Variants in KIFAP3 observed in about 807,000 individuals in gnomAD.
The protein encoded by KIFAP3 is kinesin associated protein 3.
KIFAP3 carries 68 observed loss-of-function variants against 106.5 expected under a neutral mutation model. That is an observed-to-expected ratio of 0.64 (90% CI 0.53 to 0.78). The LOEUF (loss-of-function observed/expected upper bound fraction) is 0.78, where lower values mean the gene tolerates loss of function less well. Among genes scored for constraint, KIFAP3 ranks in the 30% least tolerant of loss-of-function variants. The pLI is 0.00. For synonymous variants in KIFAP3, 320 were observed against 311.5 expected, an observed-to-expected ratio of 1.03 and a Z score of -0.29; for missense variants, 780 against 941.8, an observed-to-expected ratio of 0.83 and a Z score of 2.25.
chr1:169,939,283 G>A (rs1005647305), intron 19 of KIFAP3, among the ~76,000 whole-genome samples: 4 of 152,090 alleles, frequency 2.6e-5, no homozygotes, highest in Admixed American at 1.3e-4. Context: ...AAACAACAGG[G>A]CATGCAGATG....
chr1:169,956,112 C>T (rs182881718), intron 18 of KIFAP3, among the ~76,000 whole-genome samples: 2 of 152,158 alleles, frequency 1.3e-5, no homozygotes, highest in Admixed American at 6.5e-5. Context: ...AATTGAGAAT[C>T]GGAGTTTAAG....
chr1:170,077,222 G>A (rs900513914), upstream of KIFAP3, among the ~76,000 whole-genome samples: 3 of 152,194 alleles, frequency 2.0e-5, no homozygotes, highest in Admixed American at 6.5e-5. Flanking sequence ...GGATGTGGGC[G>A]GGGCCAAACA....
intron 9 of KIFAP3, among the ~76,000 whole-genome samples, chr1:170,018,211 A>T (rs891706495): frequency 6.6e-6 from 1 of 152,142 alleles, no homozygotes; most frequent in Admixed American, 6.5e-5. Flanking sequence ...CATTTTTTTT[A>T]CCAGCTGTCA....
intron 9 of KIFAP3, among the ~76,000 whole-genome samples, chr1:170,018,197 T>C (rs1040906719): frequency 5.3e-5 from 8 of 152,320 alleles, no homozygotes; most frequent in East Asian, 3.9e-4. Context: ...AACAAAGCCA[T>C]GCTCATTTTT....
rs1312742045 is a variant in KIFAP3, at chr1:169,992,207, C to T, written c.1232G>A (p.Ser411Asn). 6.3e-7 allele frequency: 1 copy of T among 1,586,460 alleles called. No homozygotes were observed. The highest frequency in any genetic ancestry group is 8.6e-7 in the Non-Finnish European group (1 of 1,167,602). The stretch of plus-strand genomic sequence containing the variant: ...CATTGATTTAAAGCGGTCATCCATG[C>T]TTATGTGGTAAAGAACACACATTGC... ...QIAMCVLYHI[S>N]MDDRFKSMFA... The change falls in exon 11 of 20, where the codon AGC (serine) becomes AAC (asparagine). Residue 411 changes from serine to asparagine, a missense_variant. By Grantham distance (46) the Ser-to-Asn change is conservative. This residue lies in a region of KIFAP3 where 588 missense variants were observed against 678.9 expected (regional missense o/e 0.87). Transcript: ENST00000361580.
At chr1:170,014,551 T>C (rs1047723455) in intron 10 of KIFAP3, among the ~76,000 whole-genome samples, 2 of 152,200 alleles carry the variant, frequency 1.3e-5, no homozygotes, top group African/African-American at 4.8e-5. Flanking sequence ...AAAGTATCAA[T>C]ATAGGAACAT....
intron 16 of KIFAP3, among the ~76,000 whole-genome samples, chr1:169,976,614 C>A (rs1454672355): frequency 6.6e-6 from 1 of 152,100 alleles, no homozygotes; most frequent in Non-Finnish European, 1.5e-5. Flanking sequence ...GCTGTTAAGG[C>A]AGAATAGTAT....
intron 9 of KIFAP3, 52 bp downstream of exon 9, chr1:170,024,366 A>C (rs1669006843): frequency 1.7e-6 from 2 of 1,207,594 alleles, no homozygotes; most frequent in Non-Finnish European, 2.3e-6. Context: ...AAAATATTCT[A>C]ACTTGAAAAT....
At chr1:170,064,172 A>G (rs576786296) in intron 1 of KIFAP3, among the ~76,000 whole-genome samples, 2 of 152,288 alleles carry the variant, frequency 1.3e-5, no homozygotes, top group East Asian at 3.9e-4. Flanking sequence ...TTTCTCTACA[A>G]ACTAATATAT....
intron 8 of KIFAP3, among the ~76,000 whole-genome samples, chr1:170,030,848 T>C (rs1027272445): frequency 6.6e-6 from 1 of 151,456 alleles, no homozygotes; most frequent in African/African-American, 2.4e-5. Context: ...ATTTTGGGAG[T>C]GATGGATATG....
chr1:170,057,858 C>A (rs898190604), intron 1 of KIFAP3, among the ~76,000 whole-genome samples: 1 of 152,072 alleles, frequency 6.6e-6, no homozygotes, highest in Non-Finnish European at 1.5e-5. Flanking sequence ...TAGCTGGTTG[C>A]AAATTTCTTC....
chr1:169,963,075 G>C (rs796846402), intron 17 of KIFAP3, among the ~76,000 whole-genome samples: 13 of 152,238 alleles, frequency 8.5e-5, no homozygotes, highest in African/African-American at 2.9e-4. Flanking sequence ...GTACCAAATA[G>C]GTAGTTTTCA....
intron 9 of KIFAP3, among the ~76,000 whole-genome samples, chr1:170,018,440 G>T (rs903221940): frequency 2.0e-5 from 3 of 152,006 alleles, no homozygotes; most frequent in African/African-American, 7.3e-5. Context: ...ATTTTTTAAG[G>T]TAGCAATCGG....
At chr1:170,021,469 T>C (rs1668821326) in intron 9 of KIFAP3, among the ~76,000 whole-genome samples, 1 of 143,996 alleles carries the variant, frequency 6.9e-6, no homozygotes, top group Non-Finnish European at 1.5e-5. Flanking sequence ...AGATGAGGTC[T>C]CACTCTGTCA....
chr1:170,052,266 C>G (rs942782758), intron 2 of KIFAP3, among the ~76,000 whole-genome samples: 9 of 152,088 alleles, frequency 5.9e-5, no homozygotes, highest in Admixed American at 2.6e-4. Flanking sequence ...GACACATACA[C>G]CCTCCCAAGA....
At chr1:170,067,063 A>G (rs1447897670) in intron 1 of KIFAP3, among the ~76,000 whole-genome samples, 1 of 152,178 alleles carries the variant, frequency 6.6e-6, no homozygotes, top group African/African-American at 2.4e-5. Context: ...AAGAATAATA[A>G]TAAATAAATA....
chr1:169,968,607 A>G (rs1665750826), intron 17 of KIFAP3, among the ~76,000 whole-genome samples: 1 of 151,930 alleles, frequency 6.6e-6, no homozygotes, highest in Non-Finnish European at 1.5e-5. Flanking sequence ...CTTAAAAAAT[A>G]TTTATCCCAA....
intron 17 of KIFAP3, among the ~76,000 whole-genome samples, chr1:169,972,207 A>C (rs1665959314): frequency 6.6e-6 from 1 of 152,054 alleles, no homozygotes; most frequent in Admixed American, 6.6e-5. Context: ...GTTTTGACAG[A>C]AACTGTCTTC....
intron 10 of KIFAP3, among the ~76,000 whole-genome samples, chr1:169,993,952 T>G (rs529683160): frequency 6.6e-6 from 1 of 152,348 alleles, no homozygotes; most frequent in Non-Finnish European, 1.5e-5. Context: ...CCTTACCATT[T>G]GATATATTTA....
Sources: gnomAD v4.1 joint callset for allele counts (sites outside exome capture counted in the v4.1 genomes callset) on GRCh38, gnomAD v4.1.1 for gene constraint, gnomAD v4.1.1 regional missense constraint, MANE v1.5 for transcripts, NCBI Gene and HGNC (gene_info 2026-07-23, HGNC 2026-07-21) for gene names.